Variants in TOP2A observed in about 807,000 individuals in gnomAD.
TOP2A encodes DNA topoisomerase II alpha.
TOP2A carries 68 observed loss-of-function variants against 187.2 expected under a neutral mutation model. The observed-to-expected ratio is 0.36, with a 90% CI of 0.30 to 0.44. The LOEUF (loss-of-function observed/expected upper bound fraction) is 0.44. Among genes scored for constraint, TOP2A ranks in the 20% least tolerant of loss-of-function variants. The pLI is 1.00. For synonymous variants in TOP2A, 542 were observed against 593.2 expected, an observed-to-expected ratio of 0.91 and a Z score of 1.25; for missense variants, 1,196 against 1,808.7, an observed-to-expected ratio of 0.66 and a Z score of 6.14.
rs183393048 is a variant in TOP2A at position 40,398,857 on chromosome 17, T to C, written c.3369A>G (p.Pro1123=). The C allele has an allele frequency of 1.1e-4, 184 of 1,613,888 alleles. 3 individuals carry two copies. In the African/African-American group the frequency reaches 2.2e-3, roughly 20 times the overall value. Residue 1123 remains proline (P), a synonymous_variant, in exon 26 of 35, where the codon CCA becomes CCG. Transcript: ENST00000423485. Reference sequence around the variant, plus strand: ...GCATATCAAGAAGATAGTTGAAGGTTGGTCCAGAATCTGTTACGGAGTCAC... The same window carrying C: ...GCATATCAAGAAGATAGTTGAAGGTCGGTCCAGAATCTGTTACGGAGTCAC... The part of the protein sequence containing the change: ...EKSDSVTDSG[P]TFNYLLDMPL...
intron 1 of TOP2A, 100 bp downstream of exon 1, chr17:40,417,671 C>A (rs1160248362): frequency 6.3e-7 from 1 of 1,581,572 alleles, no homozygotes; most frequent in Non-Finnish European, 8.6e-7. Flanking sequence ...AGCCGGTCGC[C>A]GGCCTGACCG....
rs2143680888 is a variant in TOP2A, at chr17:40,411,380, C to T, written c.1039G>A (p.Gly347Ser). 2 of 1,613,774 alleles carry T rather than the reference C, an allele frequency of 1.2e-6. No homozygotes were observed. The highest frequency in any genetic ancestry group is 1.7e-6 in the Non-Finnish European group (2 of 1,179,814). ...LVDVVKKKNK[G>S]GVAVKAHQVK... ...TGATGTGCTTTTACTGCAACACCAC[C>T]CTTGTTCTTCTTCTTCACAACATCA... Residue 347 changes from glycine to serine, a missense_variant, in exon 9 of 35, where the codon GGT (glycine) becomes AGT (serine). By Grantham distance (56) the Gly-to-Ser change is moderately conservative. This residue lies in a region of TOP2A where 252 missense variants were observed against 434.8 expected (regional missense o/e 0.58). Transcript: ENST00000423485. This position sits in a 1 kb window ranked among gnomAD's most constrained non-coding sequence, Gnocchi z 4.4.
chr17:40,396,193 C>T (rs1039232228), intron 28 of TOP2A, 90 bp downstream of exon 28: 2 of 644,632 alleles, frequency 3.1e-6, no homozygotes, highest in African/African-American at 3.7e-5. Context: ...TGTTGGGAGG[C>T]TGGTCTTGAA....
chr17:40,406,362 A>G (rs2035245282), intron 16 of TOP2A, 22 bp downstream of exon 16: 1 of 1,568,420 alleles, frequency 6.4e-7, no homozygotes, highest in African/African-American at 1.4e-5. Context: ...TAGAATGTAT[A>G]TAAAATACAA....
chr17:40,401,464 C>G (rs1412093444), intron 20 of TOP2A, among the ~76,000 whole-genome samples: 1 of 152,136 alleles, frequency 6.6e-6, no homozygotes, highest in African/African-American at 2.4e-5. Context: ...AATCCCAGCA[C>G]TTTGGGAGGC....
At position 40,389,350 on chromosome 17, in the gene TOP2A, G is replaced by A; in HGVS notation, c.*169C>T. 1 of 653,886 alleles carries A rather than the reference G, an allele frequency of 1.5e-6. No homozygotes were observed. Among genetic ancestry groups the A allele is most frequent in the Non-Finnish European group, 2.5e-6 (1 of 398,750 alleles). The allele number at this position is 653,886 out of a possible 1,614,324, so 40.5% of individuals were successfully genotyped here. ...CCATGAGATGGTCACTATTTAGACA[G>A]TATTATAAAAAGCTAAAGAACACTT... On this transcript the variant is annotated 3_prime_UTR_variant, in exon 35 of 35. Coordinates refer to ENST00000423485, the MANE Select transcript of TOP2A (RefSeq NM_001067.4).
Position 40,389,474 on chromosome 17 carries a change from T to G in TOP2A, c.*45A>C. On this transcript the variant is annotated 3_prime_UTR_variant, in exon 35 of 35. Transcript: ENST00000423485. ...GAGCTTCAGGTAACTTTAAAACCAG[T>G]CTTGGGCTTGGTAAGATAATTACTT... 1.9e-6 allele frequency: 3 copies of G among 1,554,512 alleles called. No homozygotes were observed. The highest frequency in any genetic ancestry group is 2.6e-6 in the Non-Finnish European group (3 of 1,147,932).
intron 16 of TOP2A, 107 bp from the exon 17 acceptor site, chr17:40,404,990 C>CTT (rs1265795492): frequency 2.4e-3 from 1,286 of 541,022 alleles, no homozygotes; most frequent in Middle Eastern, 4.1e-3. Flanking sequence ...TACTGTTTTC[C>CTT]TTTTTTTTTT....
rs781505862 is a variant in TOP2A at position 40,417,758 on chromosome 17, C to G, written c.21+13G>C. ...GCGGAGGCTCCACCGCCAGTCCCCC[C>G]CGCGAGCCGTACCTGCAATGGTGAC... On this transcript the variant is annotated intron_variant, in intron 1 of 34. Coordinates refer to ENST00000423485, the MANE Select transcript of TOP2A (RefSeq NM_001067.4). 12 of 1,612,840 alleles carry G rather than the reference C, an allele frequency of 7.4e-6. No homozygotes were observed. The highest frequency in any genetic ancestry group is 3.3e-5 in the Admixed American group (2 of 59,974).
rs775641232 is a variant in TOP2A at position 40,392,612 on chromosome 17, G to T, written c.3937C>A (p.Arg1313=). Residue 1313 remains arginine (R), a synonymous_variant, in exon 30 of 35, where the codon CGA becomes AGA. Coordinates refer to ENST00000423485, the MANE Select transcript of TOP2A (RefSeq NM_001067.4). ...GCTGCTCTCCGTGGCTCTGTTTCTC[G>T]TGGAGGGACATCAAAATTACTTTCG... is the stretch of plus-strand genomic sequence containing the variant. ...SDESNFDVPP[R]ETEPRRAATK... is the part of the protein sequence containing the mutation. The T allele has an allele frequency of 2.5e-6, 4 of 1,612,666 alleles. No homozygotes were observed. The highest frequency in any genetic ancestry group is 1.7e-5 in the Admixed American group (1 of 59,752).
rs2143612564 is a variant in TOP2A at position 40,388,616 on chromosome 17, C to T, written c.*903G>A. 5.4e-6 allele frequency: 1 copy of T among 185,126 alleles called. No homozygotes were observed. Among genetic ancestry groups the T allele is most frequent in the Non-Finnish European group, 1.1e-5 (1 of 87,358 alleles). The allele number at this position is 185,126 out of a possible 1,614,324, so 11.5% of individuals were successfully genotyped here. A position where few individuals can be genotyped will look rare whatever the true frequency, so the allele number is the denominator to read the frequency against. ...TAAATATTTACAAAAACGTTGATAACATTACTCAAGTCACACACATATAAC... is the reference window on the plus strand; with the variant it reads ...TAAATATTTACAAAAACGTTGATAATATTACTCAAGTCACACACATATAAC... On this transcript the variant is annotated 3_prime_UTR_variant, in exon 35 of 35. Coordinates refer to ENST00000423485, the MANE Select transcript of TOP2A (RefSeq NM_001067.4).
intron 24 of TOP2A, chr17:40,399,373 C>T (rs2035146151): frequency 2.2e-6 from 1 of 456,384 alleles, no homozygotes; most frequent in Admixed American, 3.6e-5. Flanking sequence ...GTCTCTCTCA[C>T]TCTTGTGTCC....
intron 33 of TOP2A, chr17:40,391,294 G>A: frequency 2.0e-6 from 1 of 503,686 alleles, no homozygotes; most frequent in Non-Finnish European, 3.4e-6. Flanking sequence ...AGTTTGATCT[G>A]TAACTGAACA....
In TOP2A at chr17:40,391,572, C is replaced by G; in HGVS notation, c.4201G>C (p.Asp1401His). 6.2e-7 allele frequency: 1 copy of G among 1,612,908 alleles called. No homozygotes were observed. The highest frequency in any genetic ancestry group is 8.5e-7 in the Non-Finnish European group (1 of 1,179,386). ...ACTGGGTTTGTAATTTCAGTTTCAT[C>G]TGGGAAATGTGTAGCAGGAGGGCTT... is the stretch of plus-strand genomic sequence containing the variant. The part of the protein sequence containing the change: ...SSSPPATHFP[D>H]ETEITNPVPK... The change falls in exon 33 of 35, where the codon GAT becomes CAT. Residue 1401 changes from aspartate (D) to histidine (H), a missense_variant. This residue lies in a region of TOP2A where 374 missense variants were observed against 403.3 expected (regional missense o/e 0.93). Coordinates refer to ENST00000423485, the MANE Select transcript of TOP2A (RefSeq NM_001067.4).
intron 10 of TOP2A, chr17:40,409,838 G>A: frequency 6.2e-6 from 1 of 161,368 alleles, no homozygotes; most frequent in Admixed American, 6.5e-5. Flanking sequence ...CCAACACTTT[G>A]GAAGGCCGAG....
chr17:40,391,488 T>G lies in TOP2A; in HGVS notation c.4267+18A>C. On this transcript the variant is annotated intron_variant, in intron 33 of 34. Transcript: ENST00000423485. ...TAGGTAATTGCAACATTAACCCATC[T>G]CAAAGATTTAGGCTTACTTTTTGCT... The G allele has an allele frequency of 6.2e-7, 1 of 1,600,274 alleles. No homozygotes were observed. The highest frequency in any genetic ancestry group is 8.5e-7 in the Non-Finnish European group (1 of 1,175,110).
At position 40,407,600 on chromosome 17, in the gene TOP2A, T is replaced by C; in HGVS notation, c.1575A>G (p.Glu525=). Residue 525 remains glutamate, a synonymous_variant, in exon 13 of 35, where the codon GAA becomes GAG. Transcript: ENST00000423485. ...CATAACGAAGCGTCTTCAATGAATCTTCATCTTCATAGTTTTTCTTGTACT... is the reference window on the plus strand; with the variant it reads ...CATAACGAAGCGTCTTCAATGAATCCTCATCTTCATAGTTTTTCTTGTACT... ...GLQYKKNYED[E]DSLKTLRYGK... 1 of 1,597,296 alleles carries C rather than the reference T, an allele frequency of 6.3e-7. No individual in the cohort carries two copies. Among genetic ancestry groups the C allele is most frequent in the East Asian group, 2.3e-5 (1 of 44,424 alleles).
chr17:40,402,377 G>A (rs193056637), intron 20 of TOP2A, among the ~76,000 whole-genome samples: 1 of 152,208 alleles, frequency 6.6e-6, no homozygotes, highest in African/African-American at 2.4e-5. Context: ...GGAATTGAGT[G>A]TAGGCATTGG....
chr17:40,414,202 C>T (rs751906199), intron 4 of TOP2A, among the ~76,000 whole-genome samples: 1 of 152,124 alleles, frequency 6.6e-6, no homozygotes, highest in East Asian at 1.9e-4. Context: ...ATACACCACT[C>T]CCACTCCTTT....
Sources: allele counts gnomAD v4.1 joint callset (sites outside exome capture counted in the v4.1 genomes callset), GRCh38; gene constraint gnomAD v4.1.1; regional missense constraint gnomAD v4.1.1; non-coding constraint Gnocchi (gnomAD v3.1); transcripts MANE v1.5; gene names NCBI Gene and HGNC (gene_info 2026-07-23, HGNC 2026-07-21).